PJA2: variants seen among roughly 807,000 people sequenced by gnomAD.
PJA2 encodes the protein praja ring finger ubiquitin ligase 2, also known as E3 ubiquitin-protein ligase Praja-2.
In PJA2, 25 loss-of-function variants were observed where a neutral mutation model predicts 69.3. The observed-to-expected ratio is 0.36, with a 90% CI of 0.26 to 0.50. The LOEUF is 0.50. PJA2 is among the 20% of genes least tolerant of loss of function. The pLI, the probability that PJA2 is intolerant of heterozygous loss-of-function variation, is 0.96. For missense variants in PJA2, 809 were observed against 830.2 expected (o/e 0.97, Z 0.31); for synonymous variants, 308 against 277.8 (o/e 1.11, Z -1.08).
In PJA2 at chr5:109,354,095, T is replaced by A. The variant is rs796563540; in HGVS notation, c.1764+1820A>T. Among the ~76,000 whole-genome samples the A allele has an allele frequency of 4.5e-3, 210 of 46,576 alleles. 10 individuals are homozygous for A. Among genetic ancestry groups the A allele is most frequent in the Non-Finnish European group, 8.2e-3 (111 of 13,536 alleles). The allele number at this position is 46,576 out of a possible 152,430, so 30.6% of individuals were successfully genotyped here. On this transcript the variant is annotated intron_variant, in intron 7 of 9. Coordinates refer to ENST00000361189, the MANE Select transcript of PJA2 (RefSeq NM_014819.5). ...TATCTATAGATTAGATATCTATATC[T>A]AGAGATATCTATAGATTAGATATCT...
chr5:109,347,787 T>G (rs1762193168), intron 7 of PJA2, among the ~76,000 whole-genome samples: 1 of 152,258 alleles, frequency 6.6e-6, no homozygotes, highest in African/African-American at 2.4e-5. Flanking sequence ...TTAAATCTGC[T>G]AATCCTATAT....
chr5:109,381,464 T>TA, intron 3 of PJA2, 39 bp downstream of exon 3: 1 of 1,550,920 alleles, frequency 6.4e-7, no homozygotes, highest in Non-Finnish European at 8.8e-7. Context: ...AATTCCTATA[T>TA]AACTATTAAT....
intron 1 of PJA2, among the ~76,000 whole-genome samples, chr5:109,404,174 T>G (rs1300188908): frequency 6.6e-6 from 1 of 151,964 alleles, no homozygotes; most frequent in Non-Finnish European, 1.5e-5. Flanking sequence ...TCTTAGTCCA[T>G]TAGGACTCCT....
intron 2 of PJA2, 132 bp downstream of exon 2, chr5:109,383,271 T>C: frequency 1.6e-6 from 1 of 641,294 alleles, no homozygotes; most frequent in Non-Finnish European, 2.6e-6. Flanking sequence ...TTTACAAATA[T>C]TCAATATATG....
chr5:109,404,445 G>C (rs978020000), intron 1 of PJA2, among the ~76,000 whole-genome samples: 2 of 152,116 alleles, frequency 1.3e-5, no homozygotes, highest in Middle Eastern at 3.4e-3. Context: ...TTGAGCCTGG[G>C]AGACCGAGGT....
chr5:109,388,558 A>G lies in PJA2; in HGVS notation c.-87-5038T>C, dbSNP rs569965177. 7.9e-5 allele frequency among the ~76,000 whole-genome samples: 12 copies of G among 152,304 alleles called. No homozygotes were observed. In the South Asian group the frequency reaches 2.3e-3, roughly 29 times the overall value. On this transcript the variant is annotated intron_variant, in intron 1 of 9. Transcript: ENST00000361189. Reference sequence around the variant, plus strand: ...AAAATGAAGATTTAGGCACAGGGAGACAAAAATCAGCTAAACTTCCAGAAG... The same window carrying G: ...AAAATGAAGATTTAGGCACAGGGAGGCAAAAATCAGCTAAACTTCCAGAAG...
intron 9 of PJA2, among the ~76,000 whole-genome samples, chr5:109,339,944 G>A (rs1762013052): frequency 6.6e-6 from 1 of 152,216 alleles, no homozygotes; most frequent in South Asian, 2.1e-4. Context: ...GGAGAAGGGA[G>A]AGAGCAAGGA....
rs187503069 is a variant in PJA2 at position 109,407,685 on chromosome 5, A to G, written c.-88+2157T>C. Among the ~76,000 whole-genome samples the G allele has an allele frequency of 1.4e-4, 21 of 152,298 alleles. 1 individual carries two copies. The highest frequency in any genetic ancestry group is 9.6e-4 in the East Asian group (5 of 5,192). On this transcript the variant is annotated intron_variant, in intron 1 of 9. Transcript: ENST00000361189. Reference sequence around the variant, plus strand: ...TAATCTGATACATGATAGAAAACTCAAAAGTTTTGCTATAACCAGAGAAAA... The same window carrying G: ...TAATCTGATACATGATAGAAAACTCGAAAGTTTTGCTATAACCAGAGAAAA...
chr5:109,338,483 A>G (rs1285756510), intron 9 of PJA2, among the ~76,000 whole-genome samples: 1 of 152,010 alleles, frequency 6.6e-6, no homozygotes, highest in Non-Finnish European at 1.5e-5. Flanking sequence ...GTACTAAAAT[A>G]CAAAAAATTA....
At chr5:109,340,287 C>G (rs1325847202) in intron 9 of PJA2, among the ~76,000 whole-genome samples, 1 of 151,922 alleles carries the variant, frequency 6.6e-6, no homozygotes, top group African/African-American at 2.4e-5. Flanking sequence ...TATAAAAGAA[C>G]AGTGAACATT....
Position 109,372,923 on chromosome 5 carries a change from A to AAAAAAAAAG in PJA2, c.1284-4178_1284-4177insCTTTTTTTT, listed in dbSNP as rs1272538036. 2.8e-4 allele frequency among the ~76,000 whole-genome samples: 39 copies of AAAAAAAAAG among 136,864 alleles called. 1 individual carries two copies. The highest frequency in any genetic ancestry group is 4.6e-4 in the Non-Finnish European group (29 of 63,628). The allele number at this position is 136,864 out of a possible 152,430, so 89.8% of individuals were successfully genotyped here. On this transcript the variant is annotated intron_variant, in intron 4 of 9. Coordinates refer to ENST00000361189, the MANE Select transcript of PJA2 (RefSeq NM_014819.5). Reference sequence around the variant, plus strand: ...TCCGTCTCAAAAAAAAAAAAAAAAAAAAAGAAAGAAAGAAAAAAAAATTAG... The same window carrying AAAAAAAAAG: ...TCCGTCTCAAAAAAAAAAAAAAAAAAAAAAAAAAGAAAGAAAGAAAGAAAAAAAAATTAG...
intron 1 of PJA2, chr5:109,409,075 C>A (rs1054273189): frequency 6.6e-6 from 1 of 152,120 alleles, no homozygotes; most frequent in African/African-American, 2.4e-5. Flanking sequence ...TATTTACCAC[C>A]TCCCCTTTGC....
chr5:109,356,758 T>C (rs560901133), intron 6 of PJA2, among the ~76,000 whole-genome samples: 1 of 152,334 alleles, frequency 6.6e-6, no homozygotes, highest in East Asian at 1.9e-4. Context: ...TTCAAGCCTT[T>C]CTCATTAATC....
At chr5:109,381,818 GA>G (rs1483705656) in intron 2 of PJA2, 115 bp from the exon 3 acceptor site, 2 of 821,116 alleles carry the variant, frequency 2.4e-6, no homozygotes, top group Non-Finnish European at 3.8e-6. Context: ...ATATGCTTCT[GA>G]ACATGAAGTG....
chr5:109,337,451 T>G lies in PJA2; in HGVS notation c.2002-95A>C, dbSNP rs1039557934. ...AAAAACAGTGTCATTATCCTAATAA[T>G]AAGACTCTTAACAACAAAAAACAAA... On this transcript the variant is annotated intron_variant, in intron 9 of 9. Transcript: ENST00000361189. 7.3e-6 allele frequency: 10 copies of G among 1,365,462 alleles called. No homozygotes were observed. The South Asian group carries it at 1.5e-4, about 20-fold the overall frequency. The allele number at this position is 1,365,462 out of a possible 1,614,324, so 84.6% of individuals were successfully genotyped here.
At chr5:109,356,308 C>G (rs982491741) in intron 6 of PJA2, among the ~76,000 whole-genome samples, 1 of 152,152 alleles carries the variant, frequency 6.6e-6, no homozygotes, top group African/African-American at 2.4e-5. Flanking sequence ...GTTTCTAGCT[C>G]TAACTCTAGA....
At chr5:109,382,881 G>GA in intron 2 of PJA2, among the ~76,000 whole-genome samples, 1 of 151,144 alleles carries the variant, frequency 6.6e-6, no homozygotes, top group Admixed American at 6.6e-5. Context: ...ATGAATGAAT[G>GA]AAACAGTTAC....
At position 109,379,001 on chromosome 5, in the gene PJA2, C is replaced by T; in HGVS notation, c.486G>A (p.Leu162=). ...SASSVQNGIA[L]VHTDSYDPDG... is the part of the protein sequence containing the mutation. ...CTGGATCATAAGAGTCTGTATGAAC[C>T]AATGCAATTCCATTTTGGACACTTG... The change falls in exon 4 of 10, where the codon TTG becomes TTA. Residue 162 remains leucine, a synonymous_variant. Coordinates refer to ENST00000361189, the MANE Select transcript of PJA2 (RefSeq NM_014819.5). 1 of 1,614,116 alleles carries T rather than the reference C, an allele frequency of 6.2e-7. No individual in the cohort carries two copies. The highest frequency in any genetic ancestry group is 8.5e-7 in the Non-Finnish European group (1 of 1,180,010).
chr5:109,370,562 T>C (rs751114424), intron 4 of PJA2, among the ~76,000 whole-genome samples: 32 of 152,168 alleles, frequency 2.1e-4, no homozygotes, highest in Non-Finnish European at 3.8e-4. Context: ...AACTAAAAGG[T>C]GTTCTTTCAG....
Sources: allele counts gnomAD v4.1 joint callset (sites outside exome capture counted in the v4.1 genomes callset), GRCh38; gene constraint gnomAD v4.1.1; transcripts MANE v1.5; gene names NCBI Gene and HGNC (gene_info 2026-07-23, HGNC 2026-07-21).